TRRAP: variants seen among roughly 807,000 people sequenced by gnomAD.
TRRAP encodes the protein transformation/transcription domain associated protein.
TRRAP carries 41 observed loss-of-function variants against 438.8 expected under a neutral mutation model. The ratio of observed to expected loss-of-function variants is 0.09; its 90% confidence interval spans 0.07 to 0.12. The LOEUF is 0.12. Ranked by LOEUF, TRRAP falls within the 10% of genes least tolerant of loss-of-function variation. TRRAP has a pLI of 1.00. For synonymous variants in TRRAP, 1,994 were observed against 1,962.9 expected, an observed-to-expected ratio of 1.02 and a Z score of -0.42; for missense variants, 3,122 against 5,055.1, an observed-to-expected ratio of 0.62 and a Z score of 11.60.
At chr7:98,996,280 G>A (rs891020016) in intron 67 of TRRAP, among the ~76,000 whole-genome samples, 3 of 152,196 alleles carry the variant, frequency 2.0e-5, no homozygotes, top group Non-Finnish European at 2.9e-5. Flanking sequence ...GCTGCTTCTC[G>A]TGCTGTCTGG....
chr7:98,903,950 C>T (rs1796589624), intron 12 of TRRAP, among the ~76,000 whole-genome samples: 2 of 152,126 alleles, frequency 1.3e-5, no homozygotes, highest in African/African-American at 4.8e-5. Flanking sequence ...GCAGAAATTA[C>T]AGGCATCCAC....
At chr7:98,885,040 C>G (rs1245720213) in intron 3 of TRRAP, among the ~76,000 whole-genome samples, 1 of 152,042 alleles carries the variant, frequency 6.6e-6, no homozygotes, top group Non-Finnish European at 1.5e-5. Context: ...AGGCATGTCT[C>G]ACATATAAGC....
intron 21 of TRRAP, among the ~76,000 whole-genome samples, chr7:98,922,956 A>C (rs1249417606): frequency 6.6e-6 from 1 of 152,140 alleles, no homozygotes; most frequent in Non-Finnish European, 1.5e-5. Context: ...TGGTACAGAT[A>C]AGCGTCACTC....
intron 31 of TRRAP, 131 bp downstream of exon 31, chr7:98,943,148 T>C: frequency 2.4e-6 from 2 of 831,570 alleles, no homozygotes; most frequent in Non-Finnish European, 3.8e-6. Context: ...TTGTAAATTG[T>C]TAAACACATT....
Position 98,978,328 on chromosome 7 carries a change from G to T in TRRAP, c.8498+5G>T, listed in dbSNP as rs1375069639. 6.2e-7 allele frequency: 1 copy of T among 1,609,724 alleles called. No homozygotes were observed. The highest frequency in any genetic ancestry group is 1.1e-5 in the South Asian group (1 of 90,894). On this transcript the variant is annotated splice_donor_5th_base_variant and intron_variant, in intron 57 of 72. Coordinates refer to ENST00000456197, the MANE Select transcript of TRRAP (RefSeq NM_001375524.1). ...CTGGGAAGACCACTGGATTCGGTAA[G>T]CCAAACACAGTGCTTGACGTGTGCA... is the stretch of plus-strand genomic sequence containing the variant.
At chr7:98,886,030 A>G (rs1179626164) in intron 3 of TRRAP, among the ~76,000 whole-genome samples, 3 of 152,214 alleles carry the variant, frequency 2.0e-5, no homozygotes, top group African/African-American at 7.2e-5. Context: ...GACGCCTGTA[A>G]TCCCAGAACT....
rs368847796 is a variant in TRRAP at position 98,994,847 on chromosome 7, G to A, written c.10308G>A (p.Thr3436=). 13 of 1,607,628 alleles carry A rather than the reference G, an allele frequency of 8.1e-6. No homozygotes were observed. The highest frequency in any genetic ancestry group is 2.7e-5 in the African/African-American group (2 of 74,910). The change falls in exon 67 of 73, where the codon ACG becomes ACA. Residue 3436 remains threonine (T), a splice_region_variant and synonymous_variant. Transcript: ENST00000456197. This position sits in a 1 kb window ranked among gnomAD's most constrained non-coding sequence, Gnocchi z 4.8. The part of the protein sequence containing the change: ...VFQKLKGQFT[T]DFDFSVPGSM... The stretch of plus-strand genomic sequence containing the variant: ...AGAAGCTGAAAGGCCAGTTCACGAC[G>A]GGTGAGTCTCCATTTTCCTTCCCTT...
chr7:98,879,456 A>G (rs1353606544), intron 1 of TRRAP, among the ~76,000 whole-genome samples: 1 of 143,696 alleles, frequency 7.0e-6, no homozygotes, highest in Non-Finnish European at 1.5e-5. Flanking sequence ...AGTCTTGGGT[A>G]CCCTGGGATG....
intron 33 of TRRAP, among the ~76,000 whole-genome samples, chr7:98,947,654 C>G (rs1255318423): frequency 1.3e-5 from 2 of 152,110 alleles, no homozygotes; most frequent in African/African-American, 4.8e-5. Flanking sequence ...CGGGGTTTCG[C>G]CATGTTGGCC....
chr7:98,956,093 A>T lies in TRRAP; in HGVS notation c.5938-53A>T, dbSNP rs1358236434. On this transcript the variant is annotated intron_variant, in intron 41 of 72. Coordinates refer to ENST00000456197, the MANE Select transcript of TRRAP (RefSeq NM_001375524.1). The surrounding 1 kb of genome is among the most constrained non-coding windows in gnomAD (Gnocchi z 4.5). The stretch of plus-strand genomic sequence containing the variant: ...TGTGCACGTGCGCACACGTGCATGC[A>T]CTGTGGGACCAAGCTCCCATGTTCC... The T allele has an allele frequency of 3.2e-6, 5 of 1,553,700 alleles. No homozygotes were observed. Among genetic ancestry groups the T allele is most frequent in the Non-Finnish European group, 8.7e-7 (1 of 1,155,834 alleles).
At chr7:98,983,217 A>C in intron 59 of TRRAP, 47 bp from the exon 60 acceptor site, 1 of 1,518,258 alleles carries the variant, frequency 6.6e-7, no homozygotes, top group South Asian at 1.2e-5. Context: ...TTCCCGTTTG[A>C]TCTTTACTGA....
intron 62 of TRRAP, among the ~76,000 whole-genome samples, chr7:98,987,597 T>C (rs1793207125): frequency 1.3e-5 from 2 of 152,364 alleles, no homozygotes; most frequent in Non-Finnish European, 2.9e-5. Context: ...GGGATTCTTC[T>C]TTTCTGTGTA....
chr7:98,963,691 T>C (rs1792026958), intron 47 of TRRAP, among the ~76,000 whole-genome samples: 1 of 152,228 alleles, frequency 6.6e-6, no homozygotes, highest in Admixed American at 6.5e-5. Flanking sequence ...TTTTGTTGAC[T>C]GCTCTGTTAA....
chr7:98,910,677 T>A, intron 16 of TRRAP, 70 bp downstream of exon 16: 1 of 1,350,324 alleles, frequency 7.4e-7, no homozygotes, highest in Non-Finnish European at 1.0e-6. Context: ...GTCATAGTGG[T>A]GGGGTGGCAG....
chr7:98,979,008 AAAGACAGCTTTTG>A, intron 58 of TRRAP, 104 bp downstream of exon 58: 2 of 1,455,500 alleles, frequency 1.4e-6, no homozygotes, highest in Non-Finnish European at 1.9e-6. Context: ...TTGGCAGTGG[AAAGACAGCTTTTG>A]GGAAGGAAAG....
chr7:98,975,658 C>T (rs1401105795), intron 53 of TRRAP, among the ~76,000 whole-genome samples: 2 of 152,230 alleles, frequency 1.3e-5, no homozygotes, highest in South Asian at 4.1e-4. Flanking sequence ...TCATTTTCTC[C>T]TGCCTCTTGT....
rs1562953837 is a variant in TRRAP, at chr7:98,945,907, CT to C, written c.4528-22del. ...TACCTTTCTGTTGCCTTTTTTCATG[CT>C]GTAATTTTTGTTTTGGTTCAGCCTG... On this transcript the variant is annotated intron_variant, in intron 32 of 72. Coordinates refer to ENST00000456197, the MANE Select transcript of TRRAP (RefSeq NM_001375524.1). The C allele has an allele frequency of 1.9e-6, 3 of 1,539,516 alleles. No homozygotes were observed. The South Asian group carries it at 3.5e-5, about 18-fold the overall frequency.
At chr7:98,918,563 G>A (rs551667575) in intron 20 of TRRAP, among the ~76,000 whole-genome samples, 1 of 152,086 alleles carries the variant, frequency 6.6e-6, no homozygotes, top group South Asian at 2.1e-4. Context: ...GACTGATTAA[G>A]GCAGGTGTTA....
intron 53 of TRRAP, among the ~76,000 whole-genome samples, chr7:98,974,990 G>A (rs1043543278): frequency 2.6e-5 from 4 of 152,188 alleles, no homozygotes; most frequent in African/African-American, 4.8e-5. Flanking sequence ...TTGGAGTTGA[G>A]CAGCTTTATC....
Sources: allele counts gnomAD v4.1 joint callset (sites outside exome capture counted in the v4.1 genomes callset), GRCh38; gene constraint gnomAD v4.1.1; non-coding constraint Gnocchi (gnomAD v3.1); transcripts MANE v1.5; gene names NCBI Gene and HGNC (gene_info 2026-07-23, HGNC 2026-07-21).